The following LRP1B variants were observed in gnomAD, a reference collection of about 807,000 sequenced individuals.
The protein encoded by LRP1B is low-density lipoprotein receptor-related protein 1B.
Under a neutral mutation model 556.6 loss-of-function variants are expected in LRP1B, and 217 were observed. The ratio of observed to expected loss-of-function variants is 0.39; its 90% CI spans 0.35 to 0.44. LRP1B has a LOEUF of 0.44. LRP1B is among the 20% of genes least tolerant of loss of function. LRP1B has a pLI of 1.00. For synonymous variants in LRP1B, 2,047 were observed against 1,865.8 expected (o/e 1.10, Z -2.50); for missense variants, 5,053 against 5,620.8 (o/e 0.90, Z 3.23).
intron 34 of LRP1B, among the ~76,000 whole-genome samples, chr2:140,770,547 A>G (rs909917440): frequency 3.9e-5 from 6 of 151,982 alleles, no homozygotes; most frequent in Non-Finnish European, 5.9e-5. Flanking sequence ...CAAATTCTAC[A>G]TTAATTCCAG....
At chr2:140,291,853 T>A (rs1288943117) in intron 84 of LRP1B, among the ~76,000 whole-genome samples, 1 of 152,172 alleles carries the variant, frequency 6.6e-6, no homozygotes, top group Non-Finnish European at 1.5e-5. Flanking sequence ...TCAAATGGTA[T>A]TTCTAGTTCT....
intron 2 of LRP1B, among the ~76,000 whole-genome samples, chr2:141,518,928 C>A (rs961596872): frequency 6.6e-6 from 1 of 151,914 alleles, no homozygotes; most frequent in Non-Finnish European, 1.5e-5. Context: ...CCAGCCTGGA[C>A]AACAAGAGTG....
chr2:140,451,444 T>TA, intron 62 of LRP1B, among the ~76,000 whole-genome samples: 1 of 152,230 alleles, frequency 6.6e-6, no homozygotes, highest in Non-Finnish European at 1.5e-5. Context: ...TAATTTAATT[T>TA]AATTGCATTT....
intron 2 of LRP1B, among the ~76,000 whole-genome samples, chr2:141,722,884 T>G: frequency 6.6e-6 from 1 of 152,178 alleles, no homozygotes; most frequent in East Asian, 1.9e-4. Flanking sequence ...CAAGTAAGCG[T>G]ATGTGGACCC....
At chr2:141,021,451 G>A (rs1476775325) in intron 11 of LRP1B, among the ~76,000 whole-genome samples, 1 of 151,950 alleles carries the variant, frequency 6.6e-6, no homozygotes, top group East Asian at 1.9e-4. Context: ...ATTTTCATAG[G>A]TTAATTGTGC....
chr2:140,504,399 T>G (rs1689320334), intron 53 of LRP1B, among the ~76,000 whole-genome samples: 1 of 152,186 alleles, frequency 6.6e-6, no homozygotes, highest in Non-Finnish European at 1.5e-5. Flanking sequence ...TCCTTCTGTA[T>G]GAAATCCTCT....
At chr2:142,009,206 T>C (rs1314319892) in intron 1 of LRP1B, among the ~76,000 whole-genome samples, 1 of 152,108 alleles carries the variant, frequency 6.6e-6, no homozygotes, top group Non-Finnish European at 1.5e-5. Flanking sequence ...CACTTGCAAA[T>C]AAAGCCATTG....
chr2:141,173,754 A>T (rs190686722), intron 7 of LRP1B, among the ~76,000 whole-genome samples: 3 of 152,098 alleles, frequency 2.0e-5, no homozygotes, highest in Admixed American at 2.0e-4. Context: ...AAAACAGAAA[A>T]AAAATGTGGC....
chr2:141,653,551 A>C (rs1263751355), intron 2 of LRP1B, among the ~76,000 whole-genome samples: 1 of 152,230 alleles, frequency 6.6e-6, no homozygotes, highest in Non-Finnish European at 1.5e-5. Flanking sequence ...ATCAATTCTT[A>C]GTTAAATTTT....
chr2:140,913,227 T>C (rs1694475461), intron 21 of LRP1B, among the ~76,000 whole-genome samples: 1 of 151,962 alleles, frequency 6.6e-6, no homozygotes, highest in Non-Finnish European at 1.5e-5. Flanking sequence ...TTGAGTATTA[T>C]ATGCTTGGTT....
intron 41 of LRP1B, among the ~76,000 whole-genome samples, chr2:140,663,477 CTT>C (rs1345581499): frequency 1.3e-5 from 2 of 152,210 alleles, no homozygotes; most frequent in African/African-American, 4.8e-5. Context: ...TCACCTTACA[CTT>C]TTATTGTATG....
At chr2:140,822,910 A>G (rs1691375825) in intron 31 of LRP1B, among the ~76,000 whole-genome samples, 1 of 152,218 alleles carries the variant, frequency 6.6e-6, no homozygotes, top group Non-Finnish European at 1.5e-5. Context: ...TGAATCTATA[A>G]AGGAAGGAAA....
chr2:141,083,130 T>C (rs1699966326), intron 7 of LRP1B, among the ~76,000 whole-genome samples: 1 of 152,216 alleles, frequency 6.6e-6, no homozygotes, highest in African/African-American at 2.4e-5. Flanking sequence ...AATATTTGAA[T>C]AGCAAAAACC....
chr2:141,620,133 T>C (rs556233957), intron 2 of LRP1B, among the ~76,000 whole-genome samples: 1 of 152,036 alleles, frequency 6.6e-6, no homozygotes, highest in South Asian at 2.1e-4. Flanking sequence ...AAAAAGAAAA[T>C]ATAGAGATGG....
Position 140,353,055 on chromosome 2 carries a change from C to G in LRP1B, c.11548G>C (p.Val3850Leu), listed in dbSNP as rs758966817. 1 of 1,612,834 alleles carries G rather than the reference C, an allele frequency of 6.2e-7. No homozygotes were observed. Among genetic ancestry groups the G allele is most frequent in the Non-Finnish European group, 8.5e-7 (1 of 1,179,350 alleles). The change falls in exon 76 of 91, where the codon GTG (valine) becomes CTG (leucine). Residue 3850 changes from valine (V) to leucine (L), a missense_variant. Coordinates refer to ENST00000389484, the MANE Select transcript of LRP1B (RefSeq NM_018557.3). ...CATTGATGGGAACATGTGCCAAACA[C>G]CAAACATTCATTAAGGTCTAGAAAA... ...RQCEDLNECL[V>L]FGTCSHQCIN...
chr2:141,229,503 C>T (rs2105294853), intron 5 of LRP1B, 63 bp from the exon 6 acceptor site: 1 of 1,242,838 alleles, frequency 8.0e-7, no homozygotes, highest in Non-Finnish European at 1.1e-6. Context: ...TACAGTTTTG[C>T]CCTAGTTATT....
At chr2:140,526,651 C>A (rs1195433901) in intron 47 of LRP1B, among the ~76,000 whole-genome samples, 1 of 144,224 alleles carries the variant, frequency 6.9e-6, no homozygotes, top group Non-Finnish European at 1.5e-5. Flanking sequence ...AGGGACCATG[C>A]TGTGTTGATA....
At position 141,886,464 on chromosome 2, in the gene LRP1B, C is replaced by G. The variant is rs545605967; in HGVS notation, c.83-76063G>C. 2.6e-5 allele frequency among the ~76,000 whole-genome samples: 4 copies of G among 152,210 alleles called. No homozygotes were observed. The South Asian group carries it at 8.3e-4, about 32-fold the overall frequency. On this transcript the variant is annotated intron_variant, in intron 1 of 90. Transcript: ENST00000389484. Reference sequence around the variant, plus strand: ...AGCCGTGTGTAATAGGAGACACTCCCTATATATTTCATCTTCATAAATACC... The same window carrying G: ...AGCCGTGTGTAATAGGAGACACTCCGTATATATTTCATCTTCATAAATACC...
intron 3 of LRP1B, among the ~76,000 whole-genome samples, chr2:141,425,862 T>C (rs1234352372): frequency 1.7e-4 from 26 of 151,368 alleles, no homozygotes; most frequent in African/African-American, 5.6e-4. Flanking sequence ...TTCTCCCATT[T>C]TGTAGGTTGC....
Sources: gnomAD v4.1 joint callset for allele counts (sites outside exome capture counted in the v4.1 genomes callset) on GRCh38, gnomAD v4.1.1 for gene constraint, MANE v1.5 for transcripts, NCBI Gene and HGNC (gene_info 2026-07-23, HGNC 2026-07-21) for gene names.